The following PDGFD variants were observed in gnomAD, a reference collection of about 807,000 sequenced individuals.
The protein encoded by PDGFD is platelet derived growth factor D.
PDGFD carries 30 observed loss-of-function variants against 44.7 expected under a neutral mutation model. The ratio of observed to expected loss-of-function variants is 0.67; its 90% CI spans 0.50 to 0.91. The LOEUF (loss-of-function observed/expected upper bound fraction) is 0.91, where lower values mean the gene tolerates loss of function less well. Ranked by LOEUF, PDGFD falls within the 40% of genes least tolerant of loss-of-function variation. The pLI is 0.00. For missense variants in PDGFD, 445 were observed against 457.8 expected (o/e 0.97, Z 0.25); for synonymous variants, 173 against 168.4 (o/e 1.03, Z -0.21).
chr11:104,053,673 A>G (rs17422384), intron 1 of PDGFD, among the ~76,000 whole-genome samples: 44,765 of 152,114 alleles, frequency 0.29, 6,987 homozygotes, highest in Non-Finnish European at 0.36. Context: ...TTTGGAACAT[A>G]GTTTGTTACA....
chr11:103,969,924 A>G (rs977233257), intron 3 of PDGFD, among the ~76,000 whole-genome samples: 9 of 152,094 alleles, frequency 5.9e-5, no homozygotes, highest in African/African-American at 1.9e-4. Flanking sequence ...AAAAATAAAG[A>G]CTTAGAAATT....
chr11:104,118,012 T>C (rs886869741), intron 1 of PDGFD, among the ~76,000 whole-genome samples: 3 of 152,140 alleles, frequency 2.0e-5, no homozygotes, highest in East Asian at 1.9e-4. Flanking sequence ...ATTTTGTATA[T>C]TAAGATTGTA....
chr11:104,080,036 C>G (rs1242563546), intron 1 of PDGFD, among the ~76,000 whole-genome samples: 1 of 152,052 alleles, frequency 6.6e-6, no homozygotes, highest in African/African-American at 2.4e-5. Flanking sequence ...GCTGAAAATC[C>G]CTATGAGTTA....
chr11:104,033,756 T>C (rs967952178), intron 1 of PDGFD, among the ~76,000 whole-genome samples: 33 of 152,192 alleles, frequency 2.2e-4, no homozygotes, highest in African/African-American at 8.0e-4. Flanking sequence ...TGAATTAAAG[T>C]CTTACTGGTT....
chr11:104,008,023 A>G (rs1339598072), intron 1 of PDGFD, among the ~76,000 whole-genome samples: 3 of 152,218 alleles, frequency 2.0e-5, no homozygotes, highest in African/African-American at 4.8e-5. Context: ...TTGCAAGCCC[A>G]AAGAATGGAA....
chr11:104,057,146 A>T (rs1860632890), intron 1 of PDGFD, among the ~76,000 whole-genome samples: 1 of 152,160 alleles, frequency 6.6e-6, no homozygotes, highest in Non-Finnish European at 1.5e-5. Context: ...CAAAAAATAA[A>T]CACCCCACAA....
chr11:103,973,541 A>C (rs905235752), intron 3 of PDGFD, among the ~76,000 whole-genome samples: 1 of 152,126 alleles, frequency 6.6e-6, no homozygotes, highest in Non-Finnish European at 1.5e-5. Flanking sequence ...CCTATGATGT[A>C]CCAGCCTTTG....
At chr11:104,110,025 C>A (rs1353747933) in intron 1 of PDGFD, among the ~76,000 whole-genome samples, 1 of 152,028 alleles carries the variant, frequency 6.6e-6, no homozygotes, top group African/African-American at 2.4e-5. Context: ...GAAAAAAAAT[C>A]TCAGGAATAT....
At chr11:103,942,310 T>C (rs1005359659) in intron 5 of PDGFD, among the ~76,000 whole-genome samples, 2 of 152,130 alleles carry the variant, frequency 1.3e-5, no homozygotes, top group Non-Finnish European at 2.9e-5. Flanking sequence ...GGAAAGGACA[T>C]AACAGACTAG....
chr11:104,000,952 T>C (rs1366144953), intron 1 of PDGFD, among the ~76,000 whole-genome samples: 6 of 151,276 alleles, frequency 4.0e-5, no homozygotes, highest in African/African-American at 1.5e-4. Context: ...GTCATAGAAA[T>C]ATTTTTGTTA....
intron 3 of PDGFD, among the ~76,000 whole-genome samples, chr11:103,982,117 C>T (rs1465019238): frequency 6.6e-6 from 1 of 151,770 alleles, no homozygotes; most frequent in Non-Finnish European, 1.5e-5. Context: ...TCCTCCAATG[C>T]CCAGTAGGCC....
In PDGFD at chr11:103,957,158, C is replaced by A. The variant is rs1007172554; in HGVS notation, c.511-9434G>T. Among the ~76,000 whole-genome samples the A allele has an allele frequency of 2.0e-5, 3 of 152,168 alleles. No individual in the cohort carries two copies. The South Asian group carries it at 6.2e-4, about 32-fold the overall frequency. On this transcript the variant is annotated intron_variant, in intron 3 of 6. Coordinates refer to ENST00000393158, the MANE Select transcript of PDGFD (RefSeq NM_025208.5). ...CATGCCTATGTCCTGAATGGTAATG[C>A]CTAGGTTTTCTTCTAGGGTTTTTAT...
At chr11:104,066,727 T>C (rs991864802) in intron 1 of PDGFD, among the ~76,000 whole-genome samples, 1 of 152,172 alleles carries the variant, frequency 6.6e-6, no homozygotes, top group Non-Finnish European at 1.5e-5. Context: ...TTCCCTGGTG[T>C]CACTGTTTAA....
chr11:104,143,804 A>G (rs1390729341), intron 1 of PDGFD, among the ~76,000 whole-genome samples: 2 of 152,220 alleles, frequency 1.3e-5, no homozygotes, highest in Non-Finnish European at 2.9e-5. Context: ...AAAACCAGGA[A>G]AGGATTTACA....
intron 1 of PDGFD, among the ~76,000 whole-genome samples, chr11:104,130,431 C>G (rs1861904961): frequency 6.6e-6 from 1 of 152,060 alleles, no homozygotes; most frequent in South Asian, 2.1e-4. Context: ...ACAGAAGCAG[C>G]AGAAATAACT....
rs151309375 is a variant in PDGFD at position 104,018,940 on chromosome 11, A to G, written c.125-18685T>C. On this transcript the variant is annotated intron_variant, in intron 1 of 6. Coordinates refer to ENST00000393158, the MANE Select transcript of PDGFD (RefSeq NM_025208.5). ...TCCTTGATCCTTGTCTTCAGCCACA[A>G]TGGCCTGGCATGTCCTCCTCGGCTC... Among the ~76,000 whole-genome samples the G allele has an allele frequency of 4.0e-3, 605 of 152,248 alleles. 7 individuals are homozygous for G. The highest frequency in any genetic ancestry group is 0.013 in the African/African-American group (559 of 41,548).
At chr11:104,082,603 T>A (rs1861060822) in intron 1 of PDGFD, among the ~76,000 whole-genome samples, 1 of 142,574 alleles carries the variant, frequency 7.0e-6, no homozygotes, top group African/African-American at 2.6e-5. Context: ...ATGACCATAG[T>A]TAATTAAAAC....
intron 1 of PDGFD, among the ~76,000 whole-genome samples, chr11:104,103,462 G>GTGTGTGTGTGTGTATA (rs1041388346): frequency 2.3e-5 from 3 of 133,264 alleles, no homozygotes; most frequent in African/African-American, 8.3e-5. Flanking sequence ...GTGTGTGTGT[G>GTGTGTGTGTGTGTATA]TATATATATA....
chr11:104,034,228 TGC>T (rs938418197), intron 1 of PDGFD, among the ~76,000 whole-genome samples: 2 of 151,962 alleles, frequency 1.3e-5, no homozygotes, highest in African/African-American at 4.8e-5. Context: ...TTTGTGTGTG[TGC>T]ATGTGCTCTA....
Sources: allele counts gnomAD v4.1 joint callset (sites outside exome capture counted in the v4.1 genomes callset), GRCh38; gene constraint gnomAD v4.1.1; transcripts MANE v1.5; gene names NCBI Gene and HGNC (gene_info 2026-07-23, HGNC 2026-07-21).